STMN2: variants seen among roughly 807,000 people sequenced by gnomAD.
The protein encoded by STMN2 is stathmin 2.
STMN2 carries 2 observed loss-of-function variants against 24.1 expected under a neutral mutation model. The observed-to-expected ratio is 0.08, with a 90% CI of 0.03 to 0.26. The LOEUF is 0.26. Among genes scored for constraint, STMN2 ranks in the 10% least tolerant of loss-of-function variants. The pLI, the probability that STMN2 is intolerant of heterozygous loss-of-function variation, is 1.00. For synonymous variants in STMN2, 83 were observed against 77.5 expected (o/e 1.07, Z -0.37); for missense variants, 114 against 213.6 (o/e 0.53, Z 2.91).
At chr8:79,625,775 T>C (rs1011772578) in intron 1 of STMN2, among the ~76,000 whole-genome samples, 1 of 151,962 alleles carries the variant, frequency 6.6e-6, no homozygotes, top group African/African-American at 2.4e-5. Flanking sequence ...CTGGACAACA[T>C]GGTGAAACCC....
chr8:79,612,033 G>A (rs1809242636), intron 1 of STMN2, among the ~76,000 whole-genome samples: 1 of 152,124 alleles, frequency 6.6e-6, no homozygotes, highest in Non-Finnish European at 1.5e-5. Context: ...GGCGCACAAT[G>A]CGGACAGCCC....
intron 1 of STMN2, chr8:79,631,478 A>G: frequency 1.0e-6 from 1 of 974,516 alleles, no homozygotes; most frequent in Non-Finnish European, 1.2e-6. Context: ...GCATTACATC[A>G]TCACAGCAGA....
At chr8:79,648,762 C>T (rs1170777807) in intron 3 of STMN2, among the ~76,000 whole-genome samples, 1 of 151,780 alleles carries the variant, frequency 6.6e-6, no homozygotes, top group Non-Finnish European at 1.5e-5. Flanking sequence ...CATGCCCGGC[C>T]AATATTTTTA....
At chr8:79,651,203 A>C (rs1810327759) in intron 3 of STMN2, among the ~76,000 whole-genome samples, 1 of 152,230 alleles carries the variant, frequency 6.6e-6, no homozygotes, top group South Asian at 2.1e-4. Flanking sequence ...AGCCTGGCCT[A>C]GTTTGGCAGG....
chr8:79,613,452 C>T (rs1252002829), intron 1 of STMN2: 7 of 985,350 alleles, frequency 7.1e-6, no homozygotes, highest in Non-Finnish European at 8.4e-6. Flanking sequence ...CCTGAGCTAC[C>T]CCCGCTTTCC....
intron 3 of STMN2, among the ~76,000 whole-genome samples, chr8:79,653,866 G>T (rs575128681): frequency 7.2e-5 from 11 of 152,288 alleles, no homozygotes; most frequent in African/African-American, 2.6e-4. Context: ...TCAGTATTGG[G>T]TGGGACTTTT....
chr8:79,639,413 G>A (rs995436440), intron 2 of STMN2, among the ~76,000 whole-genome samples: 1 of 152,056 alleles, frequency 6.6e-6, no homozygotes, highest in Non-Finnish European at 1.5e-5. Context: ...AGGATCAGTG[G>A]GCTAAAACCA....
intron 3 of STMN2, among the ~76,000 whole-genome samples, chr8:79,649,157 A>G (rs1324554150): frequency 6.6e-6 from 1 of 152,232 alleles, no homozygotes; most frequent in African/African-American, 2.4e-5. Context: ...TTAAAATGGA[A>G]TCCAGGGAAA....
intron 1 of STMN2, among the ~76,000 whole-genome samples, chr8:79,627,372 G>A (rs1415531316): frequency 6.6e-6 from 1 of 152,102 alleles, no homozygotes. Flanking sequence ...TTATGACCAA[G>A]TCATATGGTA....
At chr8:79,613,568 A>G in intron 1 of STMN2, 2 of 985,482 alleles carry the variant, frequency 2.0e-6, no homozygotes, top group African/African-American at 3.5e-5. Flanking sequence ...GCTGCAGGCT[A>G]GTGGCTGCAA....
In STMN2 at chr8:79,652,111, G is replaced by T. The variant is rs948002008; in HGVS notation, c.289-2760G>T. ...TAACAGTGTATTAAGATAGAAAAAT[G>T]ATTTTAAAGCACGGCACTTAGAGAA... On this transcript the variant is annotated intron_variant, in intron 3 of 4. Transcript: ENST00000220876. Among the ~76,000 whole-genome samples, 7 of 152,164 alleles carry T rather than the reference G, an allele frequency of 4.6e-5. No homozygotes were observed. In the East Asian group the frequency reaches 1.3e-3, roughly 29 times the overall value.
At chr8:79,630,452 C>T (rs996182439) in intron 1 of STMN2, among the ~76,000 whole-genome samples, 6 of 152,188 alleles carry the variant, frequency 3.9e-5, no homozygotes, top group African/African-American at 1.4e-4. Flanking sequence ...AAAAGCCACA[C>T]ATTACAACAA....
intron 3 of STMN2, among the ~76,000 whole-genome samples, chr8:79,649,591 C>G (rs962964577): frequency 6.6e-6 from 1 of 152,040 alleles, no homozygotes; most frequent in Admixed American, 6.5e-5. Flanking sequence ...ACCTACCCTA[C>G]TTGTGTAAAA....
intron 4 of STMN2, among the ~76,000 whole-genome samples, chr8:79,660,579 A>G (rs1218083975): frequency 6.6e-6 from 1 of 152,232 alleles, no homozygotes; most frequent in Non-Finnish European, 1.5e-5. Context: ...ATGCAACTTA[A>G]AATGATAAAA....
At chr8:79,642,480 T>C (rs964424654) in intron 3 of STMN2, among the ~76,000 whole-genome samples, 1 of 152,174 alleles carries the variant, frequency 6.6e-6, no homozygotes, top group African/African-American at 2.4e-5. Flanking sequence ...TGATATAATT[T>C]TAGAATCAGG....
intron 1 of STMN2, among the ~76,000 whole-genome samples, chr8:79,619,540 G>A (rs1325174199): frequency 3.3e-5 from 5 of 152,010 alleles, no homozygotes; most frequent in Non-Finnish European, 7.4e-5. Context: ...ACAAAACTGA[G>A]ACCAGAAAAT....
intron 1 of STMN2, among the ~76,000 whole-genome samples, chr8:79,635,586 T>C (rs551241828): frequency 6.6e-6 from 1 of 151,780 alleles, no homozygotes; most frequent in African/African-American, 2.4e-5. Flanking sequence ...TAAGAAAAAA[T>C]GAAATCATGT....
chr8:79,614,321 T>C lies in STMN2; in HGVS notation c.19+3107T>C, dbSNP rs569651532. 5.1e-4 allele frequency among the ~76,000 whole-genome samples: 77 copies of C among 152,364 alleles called. No individual in the cohort carries two copies. In the Middle Eastern group the frequency reaches 0.014, roughly 27 times the overall value. ...TCATTAAACAATTATGTATTCAGCA[T>C]GATTGTAAGAGGTGCATATAATATT... On this transcript the variant is annotated intron_variant, in intron 1 of 4. Coordinates refer to ENST00000220876, the MANE Select transcript of STMN2 (RefSeq NM_007029.4).
At chr8:79,638,061 A>C (rs1170018424) in intron 2 of STMN2, among the ~76,000 whole-genome samples, 2 of 152,260 alleles carry the variant, frequency 1.3e-5, no homozygotes, top group Non-Finnish European at 2.9e-5. Context: ...TCATTCGGTC[A>C]GCAAATAAAT....
Sources: gnomAD v4.1 joint callset for allele counts (sites outside exome capture counted in the v4.1 genomes callset) on GRCh38, gnomAD v4.1.1 for gene constraint, MANE v1.5 for transcripts, NCBI Gene and HGNC (gene_info 2026-07-23, HGNC 2026-07-21) for gene names.